Variants in KPNA5 observed in about 807,000 individuals in gnomAD.
KPNA5 encodes the protein importin subunit alpha-6.
In KPNA5, 46 loss-of-function variants were observed where a neutral mutation model predicts 71.3. That is an observed-to-expected ratio of 0.65 (90% confidence interval 0.51 to 0.83). The LOEUF (loss-of-function observed/expected upper bound fraction) is 0.83, where lower values mean the gene tolerates loss of function less well. Ranked by LOEUF, KPNA5 falls within the 40% of genes least tolerant of loss-of-function variation. The pLI is 0.00. For synonymous variants in KPNA5, 207 were observed against 201.4 expected (o/e 1.03, Z -0.24); for missense variants, 547 against 628.3 (o/e 0.87, Z 1.38).
chr6:116,703,763 A>T (rs1778324637), intron 6 of KPNA5, among the ~76,000 whole-genome samples: 1 of 152,246 alleles, frequency 6.6e-6, no homozygotes, highest in Non-Finnish European at 1.5e-5. Flanking sequence ...TGTTTTAAAC[A>T]TTAAAATAAA....
At chr6:116,695,025 A>G (rs796385900) in intron 4 of KPNA5, among the ~76,000 whole-genome samples, 4 of 152,120 alleles carry the variant, frequency 2.6e-5, no homozygotes, top group African/African-American at 9.6e-5. Context: ...ATCACAGCTC[A>G]CTATAGCCTC....
rs917013129 is a variant in KPNA5, at chr6:116,729,685, C to G, written c.1376C>G (p.Ser459Cys). 3 of 1,610,022 alleles carry G rather than the reference C, an allele frequency of 1.9e-6. No homozygotes were observed. In the African/African-American group the frequency reaches 4.0e-5, roughly 22 times the overall value. The stretch of plus-strand genomic sequence containing the variant: ...ATTTTACGTCTTGGAGAACAAGAAT[C>G]TAAGCAGAATGGAATAGGCATTAAT... Reference protein sequence around the residue: ...ENILRLGEQESKQNGIGINPY... With the variant: ...ENILRLGEQECKQNGIGINPY... The change falls in exon 13 of 14, where the codon TCT becomes TGT. Residue 459 changes from serine to cysteine, a missense_variant. Ser to Cys is a moderately radical substitution (Grantham distance 112, BLOSUM62 -1). Coordinates refer to ENST00000368564, the MANE Select transcript of KPNA5 (RefSeq NM_001366306.2).
Position 116,726,511 on chromosome 6 carries a change from A to G in KPNA5, c.1142A>G (p.Asn381Ser), listed in dbSNP as rs144082164. The G allele has an allele frequency of 1.2e-6, 2 of 1,611,628 alleles. No homozygotes were observed. Among genetic ancestry groups the G allele is most frequent in the East Asian group, 2.2e-5 (1 of 44,734 alleles). ...RAQIQAVIDA[N>S]IFPVLIEILQ... ...CCCTCTCAGGCTGTTATAGATGCAAATATTTTTCCTGTTTTGATTGAGATT... is the reference window on the plus strand; with the variant it reads ...CCCTCTCAGGCTGTTATAGATGCAAGTATTTTTCCTGTTTTGATTGAGATT... Residue 381 changes from asparagine (N) to serine (S), a missense_variant, in exon 12 of 14, where the codon AAT becomes AGT. Transcript: ENST00000368564.
At chr6:116,691,919 A>G in intron 2 of KPNA5, 136 bp from the exon 3 acceptor site, 1 of 675,864 alleles carries the variant, frequency 1.5e-6, no homozygotes. Flanking sequence ...TGATTGGGAA[A>G]TACTCAAATA....
At chr6:116,719,027 G>A (rs1412101914) in intron 8 of KPNA5, among the ~76,000 whole-genome samples, 1 of 151,926 alleles carries the variant, frequency 6.6e-6, no homozygotes, top group African/African-American at 2.4e-5. Context: ...GTGATGATCT[G>A]TCCATCTCAG....
chr6:116,700,533 A>G (rs1311174291), intron 5 of KPNA5, among the ~76,000 whole-genome samples: 1 of 152,132 alleles, frequency 6.6e-6, no homozygotes, highest in Non-Finnish European at 1.5e-5. Context: ...GTAATTAAAA[A>G]CTATAGAAAT....
rs185183740 is a variant in KPNA5, at chr6:116,729,147, C to T, written c.1254-416C>T. 2.2e-5 allele frequency among the ~76,000 whole-genome samples: 3 copies of T among 137,924 alleles called. No individual in the cohort carries two copies. The East Asian group carries it at 6.6e-4, about 30-fold the overall frequency. 90.5% of individuals were successfully genotyped at this position (137,924 alleles called of 152,430 possible). A position where few individuals can be genotyped will look rare whatever the true frequency, so the allele number is the denominator to read the frequency against. Reference sequence around the variant, plus strand: ...CTTTCTTTCCATTTCTGTCTACCCCCATATGACCTCCGTGTGTGTGTGTGT... The same window carrying T: ...CTTTCTTTCCATTTCTGTCTACCCCTATATGACCTCCGTGTGTGTGTGTGT... On this transcript the variant is annotated intron_variant, in intron 12 of 13. Transcript: ENST00000368564.
chr6:116,684,878 A>G (rs978886617), intron 1 of KPNA5, among the ~76,000 whole-genome samples: 1 of 152,204 alleles, frequency 6.6e-6, no homozygotes, highest in Non-Finnish European at 1.5e-5. Context: ...AACCCCTTAA[A>G]TCATCAAATG....
chr6:116,716,977 T>TTTTCA (rs1442260052), intron 8 of KPNA5, among the ~76,000 whole-genome samples: 1 of 152,046 alleles, frequency 6.6e-6, no homozygotes, highest in Non-Finnish European at 1.5e-5. Flanking sequence ...TCATTTTTAC[T>TTTTCA]TTTCATTTCA....
At chr6:116,696,481 C>T (rs1269262510) in intron 4 of KPNA5, among the ~76,000 whole-genome samples, 1 of 151,940 alleles carries the variant, frequency 6.6e-6, no homozygotes, top group Non-Finnish European at 1.5e-5. Flanking sequence ...ATGAATATGC[C>T]CTGGGTACTG....
At chr6:116,716,731 T>C (rs1041516061) in intron 8 of KPNA5, among the ~76,000 whole-genome samples, 1 of 152,216 alleles carries the variant, frequency 6.6e-6, no homozygotes, top group African/African-American at 2.4e-5. Flanking sequence ...GAAATACAGA[T>C]GATTAATTAA....
At position 116,722,000 on chromosome 6, in the gene KPNA5, CAA is replaced by C. The variant is rs59695618; in HGVS notation, c.757-125_757-124del. The C allele has an allele frequency of 5.6e-3, 3,459 of 614,466 alleles. 100 individuals carry two copies. In the African/African-American group the frequency reaches 0.056, roughly 10 times the overall value. The allele number at this position is 614,466 out of a possible 1,614,324, so 38.1% of individuals were successfully genotyped here. A position where few individuals can be genotyped will look rare whatever the true frequency, so the allele number is the denominator to read the frequency against. On this transcript the variant is annotated intron_variant, in intron 8 of 13. Transcript: ENST00000368564. The stretch of plus-strand genomic sequence containing the variant: ...CATACATCTGATTATAATTTTAAAA[CAA>C]TATAAATTTTCTGGTATTTTTATAA...
In KPNA5 at chr6:116,737,113, AAC is replaced by A. The variant is rs1232058498; in HGVS notation, c.*4794_*4795del. The A allele has an allele frequency of 4.6e-5, 7 of 152,040 alleles. No individual in the cohort carries two copies. Among genetic ancestry groups the A allele is most frequent in the Admixed American group, 4.6e-4 (7 of 15,220 alleles). The allele number at this position is 152,040 out of a possible 1,614,324, so 9.4% of individuals were successfully genotyped here. On this transcript the variant is annotated 3_prime_UTR_variant, in exon 14 of 14. Transcript: ENST00000368564. ...TGAATTTCCCATATTTGTTCTTCTT[AAC>A]ACAAGTTACTAGGGGAAAAAATGTG...
At chr6:116,697,927 G>A (rs913953935) in intron 4 of KPNA5, among the ~76,000 whole-genome samples, 9 of 151,980 alleles carry the variant, frequency 5.9e-5, no homozygotes, top group Non-Finnish European at 8.8e-5. Flanking sequence ...TTCGGTTAAG[G>A]TTGTAAGGTC....
At chr6:116,729,854 G>A (rs1267373435) in intron 13 of KPNA5, 113 bp downstream of exon 13, 1 of 574,638 alleles carries the variant, frequency 1.7e-6, no homozygotes, top group Non-Finnish European at 2.8e-6. Flanking sequence ...ATTTTTTTAA[G>A]TTTTAAAATG....
At chr6:116,690,890 A>C (rs1020154551) in intron 2 of KPNA5, among the ~76,000 whole-genome samples, 1 of 152,140 alleles carries the variant, frequency 6.6e-6, no homozygotes, top group Non-Finnish European at 1.5e-5. Context: ...TATCTAATAC[A>C]GTGTAAATGC....
intron 1 of KPNA5, among the ~76,000 whole-genome samples, chr6:116,682,109 A>C (rs1008962083): frequency 3.9e-5 from 6 of 152,088 alleles, no homozygotes; most frequent in Non-Finnish European, 8.8e-5. Flanking sequence ...TACCAAAAAT[A>C]CAAAAAATAC....
chr6:116,717,914 C>T (rs763788080), intron 8 of KPNA5, among the ~76,000 whole-genome samples: 8 of 152,202 alleles, frequency 5.3e-5, no homozygotes, highest in African/African-American at 1.7e-4. Flanking sequence ...AGTTATACTC[C>T]GTCATTTTGT....
At chr6:116,709,835 G>A (rs1778585048) in intron 7 of KPNA5, among the ~76,000 whole-genome samples, 1 of 151,566 alleles carries the variant, frequency 6.6e-6, no homozygotes, top group Non-Finnish European at 1.5e-5. Context: ...CATGATCTTG[G>A]CTCACTGCAG....
Sources: gnomAD v4.1 joint callset for allele counts (sites outside exome capture counted in the v4.1 genomes callset) on GRCh38, gnomAD v4.1.1 for gene constraint, MANE v1.5 for transcripts, NCBI Gene and HGNC (gene_info 2026-07-23, HGNC 2026-07-21) for gene names.